MKLN1: variants seen among roughly 807,000 people sequenced by gnomAD.
MKLN1 encodes muskelin 1, also known as muskelin.
MKLN1 carries 18 observed loss-of-function variants against 99.0 expected under a neutral mutation model. The ratio of observed to expected loss-of-function variants is 0.18; its 90% CI spans 0.13 to 0.27. The LOEUF (loss-of-function observed/expected upper bound fraction) is 0.27. MKLN1 is among the 10% of genes least tolerant of loss of function. The pLI, the probability that MKLN1 is intolerant of heterozygous loss-of-function variation, is 1.00. For missense variants in MKLN1, 621 were observed against 875.9 expected (o/e 0.71, Z 3.67); for synonymous variants, 288 against 293.2 (o/e 0.98, Z 0.18).
chr7:131,434,794 C>T (rs1348461777), intron 9 of MKLN1, among the ~76,000 whole-genome samples: 6 of 152,102 alleles, frequency 3.9e-5, no homozygotes, highest in East Asian at 1.9e-4. Flanking sequence ...CTTAACTCAA[C>T]GAATCCTCCC....
chr7:131,371,345 C>A (rs1215668450), intron 1 of MKLN1, among the ~76,000 whole-genome samples: 1 of 152,024 alleles, frequency 6.6e-6, no homozygotes, highest in African/African-American at 2.4e-5. Flanking sequence ...TTGCTTGATT[C>A]TTTTCTTCTG....
intron 1 of MKLN1, among the ~76,000 whole-genome samples, chr7:131,134,716 A>G (rs1795621981): frequency 6.6e-6 from 1 of 152,036 alleles, no homozygotes; most frequent in Non-Finnish European, 1.5e-5. Flanking sequence ...CCTTCACCCC[A>G]CTGCTGCTAT....
At chr7:131,476,348 G>C (rs1796967266) in intron 16 of MKLN1, among the ~76,000 whole-genome samples, 1 of 152,100 alleles carries the variant, frequency 6.6e-6, no homozygotes, top group Non-Finnish European at 1.5e-5. Context: ...ATAGGAGAAA[G>C]TAAATTTGTT....
chr7:131,256,901 G>A (rs1392966789), intron 3 of MKLN1, among the ~76,000 whole-genome samples: 1 of 152,102 alleles, frequency 6.6e-6, no homozygotes, highest in Non-Finnish European at 1.5e-5. Context: ...TCAAACCTCA[G>A]CATCATGCAA....
chr7:131,390,474 C>T (rs145592508), intron 4 of MKLN1, among the ~76,000 whole-genome samples: 2,662 of 152,026 alleles, frequency 0.018, 66 homozygotes, highest in African/African-American at 0.06. Context: ...CCCTGTCAGC[C>T]TTTTTTCCCC....
At chr7:131,335,720 ATTGC>A (rs1799231647) in intron 1 of MKLN1, among the ~76,000 whole-genome samples, 1 of 144,676 alleles carries the variant, frequency 6.9e-6, no homozygotes, top group South Asian at 2.2e-4. Flanking sequence ...TAACAAATGT[ATTGC>A]TTACTTTTTG....
At position 131,487,545 on chromosome 7, in the gene MKLN1, A is replaced by C; in HGVS notation, c.2087-62A>C. 1 of 1,557,436 alleles carries C rather than the reference A, an allele frequency of 6.4e-7. No individual in the cohort carries two copies. The highest frequency in any genetic ancestry group is 8.7e-7 in the Non-Finnish European group (1 of 1,151,126). On this transcript the variant is annotated intron_variant, in intron 17 of 17. Transcript: ENST00000352689. This position sits in a 1 kb window ranked among gnomAD's most constrained non-coding sequence, Gnocchi z 4.7. Reference sequence around the variant, plus strand: ...TATAAAATACATTGCTGCTGGTCTCAACTAGTTTTTCTGTTACATGTTTTA... The same window carrying C: ...TATAAAATACATTGCTGCTGGTCTCCACTAGTTTTTCTGTTACATGTTTTA...
chr7:131,243,115 A>G, intron 3 of MKLN1: 1 of 355,478 alleles, frequency 2.8e-6, no homozygotes, highest in South Asian at 2.8e-5. Flanking sequence ...TTGAGACAAT[A>G]GTCATCAAAT....
chr7:131,160,490 TTAATTA>T (rs1359861244), intron 2 of MKLN1, among the ~76,000 whole-genome samples: 19 of 114,752 alleles, frequency 1.7e-4, no homozygotes, highest in Middle Eastern at 4.6e-3. Context: ...ATTATTATTA[TTAATTA>T]TTATTATTAT....
At chr7:131,354,944 T>C (rs952181219) in intron 1 of MKLN1, among the ~76,000 whole-genome samples, 4 of 152,170 alleles carry the variant, frequency 2.6e-5, no homozygotes, top group African/African-American at 9.7e-5. Context: ...CTATTTATTT[T>C]TATTTTTAAA....
intron 1 of MKLN1, among the ~76,000 whole-genome samples, chr7:131,334,195 T>A (rs1799184335): frequency 6.6e-6 from 1 of 152,238 alleles, no homozygotes. Flanking sequence ...TTTGAGGTCT[T>A]GTTACAATAA....
chr7:131,181,758 C>T (rs778876555), intron 2 of MKLN1, among the ~76,000 whole-genome samples: 2 of 151,500 alleles, frequency 1.3e-5, no homozygotes, highest in African/African-American at 4.9e-5. Context: ...CTCCTGGGTT[C>T]AAGCAATTAT....
chr7:131,283,525 C>T (rs1201337990), intron 3 of MKLN1, among the ~76,000 whole-genome samples: 1 of 151,286 alleles, frequency 6.6e-6, no homozygotes, highest in Non-Finnish European at 1.5e-5. Flanking sequence ...GCCTTGACCT[C>T]CTGGGCTCAG....
intron 1 of MKLN1, 135 bp downstream of exon 1, chr7:131,328,132 C>CT: frequency 9.4e-7 from 1 of 1,067,272 alleles, no homozygotes; most frequent in African/African-American, 1.6e-5. Flanking sequence ...CCTCCGGAGT[C>CT]TTAGTTCAGC....
At chr7:131,399,875 A>G (rs1434264990) in intron 6 of MKLN1, among the ~76,000 whole-genome samples, 2 of 152,310 alleles carry the variant, frequency 1.3e-5, no homozygotes, top group Non-Finnish European at 2.9e-5. Context: ...TGTGAATGCT[A>G]TATAATTGCT....
chr7:131,227,469 TTCTTTCTC>T (rs201188812), intron 3 of MKLN1, among the ~76,000 whole-genome samples: 37 of 130,680 alleles, frequency 2.8e-4, no homozygotes, highest in African/African-American at 7.7e-4. Flanking sequence ...GTTTCTTTCT[TTCTTTCTC>T]TCTTTCTCTC....
intron 16 of MKLN1, among the ~76,000 whole-genome samples, chr7:131,476,085 T>G (rs1796958388): frequency 6.6e-6 from 1 of 152,100 alleles, no homozygotes; most frequent in Non-Finnish European, 1.5e-5. Flanking sequence ...AAGAAAAGCA[T>G]CTAAGAAAAT....
chr7:131,383,748 C>T (rs570720771), intron 2 of MKLN1, among the ~76,000 whole-genome samples: 22 of 152,250 alleles, frequency 1.4e-4, no homozygotes, highest in African/African-American at 4.8e-4. Flanking sequence ...CCCTCTTTTT[C>T]CCCTGCATCC....
intron 2 of MKLN1, among the ~76,000 whole-genome samples, chr7:131,193,584 C>A (rs1035130222): frequency 2.0e-5 from 3 of 152,090 alleles, no homozygotes; most frequent in African/African-American, 7.2e-5. Flanking sequence ...CCATATTGGC[C>A]AGGCTGGTCT....
Sources: gnomAD v4.1 joint callset for allele counts (sites outside exome capture counted in the v4.1 genomes callset) on GRCh38, gnomAD v4.1.1 for gene constraint, Gnocchi (gnomAD v3.1) non-coding constraint, MANE v1.5 for transcripts, NCBI Gene and HGNC (gene_info 2026-07-23, HGNC 2026-07-21) for gene names.